The following PHF24 variants were observed in gnomAD, a reference collection of about 807,000 sequenced individuals.
PHF24 encodes the protein PHD finger protein 24.
Under a neutral mutation model 42.6 loss-of-function variants are expected in PHF24, and 25 were observed. The observed-to-expected ratio is 0.59, with a 90% CI of 0.43 to 0.82. PHF24 has a LOEUF of 0.82. Among genes scored for constraint, PHF24 ranks in the 40% least tolerant of loss-of-function variants. The pLI is 0.00. For synonymous variants in PHF24, 185 were observed against 204.8 expected, an observed-to-expected ratio of 0.90 and a Z score of 0.83; for missense variants, 470 against 538.1, an observed-to-expected ratio of 0.87 and a Z score of 1.25.
chr9:34,941,594 A>G, the PHF24 span, among the ~76,000 whole-genome samples: 1 of 152,220 alleles, frequency 6.6e-6, no homozygotes, highest in East Asian at 1.9e-4. Flanking sequence ...TGGGTACCTT[A>G]TAAACAACAG....
the PHF24 span, chr9:34,665,812 G>C: frequency 1.6e-6 from 1 of 623,710 alleles, no homozygotes; most frequent in Non-Finnish European, 2.9e-6. Context: ...TTGCCACCAC[G>C]GGACAGGGTG....
chr9:34,673,437 ATCT>A, the PHF24 span, among the ~76,000 whole-genome samples: 15 of 151,722 alleles, frequency 9.9e-5, no homozygotes, highest in East Asian at 1.7e-3. Context: ...GTTGCAGATA[ATCT>A]TCTCCTTAAT....
chr9:34,695,683 G>A, the PHF24 span, among the ~76,000 whole-genome samples: 1 of 152,160 alleles, frequency 6.6e-6, no homozygotes, highest in Non-Finnish European at 1.5e-5. Flanking sequence ...CCCATCTGGT[G>A]TCCACTGAGG....
At chr9:34,956,268 G>C (rs1184268261), upstream of PHF24, among the ~76,000 whole-genome samples, 1 of 151,934 alleles carries the variant, frequency 6.6e-6, no homozygotes, top group Non-Finnish European at 1.5e-5. Context: ...ATGTACTTTT[G>C]TGTGTGTGTG....
the PHF24 span, chr9:34,835,449 G>A: frequency 1.9e-6 from 3 of 1,551,894 alleles, no homozygotes; most frequent in Non-Finnish European, 2.6e-6. Flanking sequence ...CTGAGAAATG[G>A]CAGGTGGGCA....
At chr9:34,726,425 T>A in the PHF24 span, 7 of 1,550,848 alleles carry the variant, frequency 4.5e-6, no homozygotes, top group Non-Finnish European at 6.1e-6. Context: ...GGCCATTGGA[T>A]GCATCCGGTT....
chr9:34,835,879 A>T, the PHF24 span: 1 of 1,049,180 alleles, frequency 9.5e-7, no homozygotes, highest in Admixed American at 2.0e-5. Flanking sequence ...CAGAGACAAG[A>T]TCTCTAGGCA....
At chr9:34,882,594 G>A in the PHF24 span, among the ~76,000 whole-genome samples, 1 of 149,364 alleles carries the variant, frequency 6.7e-6, no homozygotes, top group East Asian at 1.9e-4. Flanking sequence ...GCCAAATCAT[G>A]AGTGAACTCC....
the PHF24 span, among the ~76,000 whole-genome samples, chr9:34,751,452 AAAG>A: frequency 6.6e-6 from 1 of 152,194 alleles, no homozygotes. Flanking sequence ...AAAAAGAGAC[AAAG>A]AAGGTCATTA....
At chr9:34,864,313 A>C in the PHF24 span, among the ~76,000 whole-genome samples, 1 of 152,198 alleles carries the variant, frequency 6.6e-6, no homozygotes, top group Non-Finnish European at 1.5e-5. Context: ...TAGAACACCA[A>C]GCACATTTAA....
the PHF24 span, among the ~76,000 whole-genome samples, chr9:34,772,768 A>G: frequency 1.3e-5 from 2 of 152,218 alleles, no homozygotes; most frequent in Non-Finnish European, 2.9e-5. Context: ...GGAGGCTAGC[A>G]TGATCCATGT....
At chr9:34,913,223 G>A in the PHF24 span, among the ~76,000 whole-genome samples, 38 of 152,234 alleles carry the variant, frequency 2.5e-4, no homozygotes, top group Admixed American at 2.6e-4. Flanking sequence ...TAAAATTCAC[G>A]TCAGTGGAAT....
chr9:34,970,960 G>A (rs563207491), intron 1 of PHF24, among the ~76,000 whole-genome samples: 88 of 152,092 alleles, frequency 5.8e-4, no homozygotes, highest in Non-Finnish European at 8.8e-4. Flanking sequence ...GTCAGAAATC[G>A]AACCAAAGTC....
At chr9:34,860,475 A>G in the PHF24 span, among the ~76,000 whole-genome samples, 32 of 152,304 alleles carry the variant, frequency 2.1e-4, no homozygotes, top group African/African-American at 7.5e-4. Context: ...TGCTGTTTGA[A>G]TCTATGTATA....
At chr9:34,881,848 C>G in the PHF24 span, among the ~76,000 whole-genome samples, 1 of 152,184 alleles carries the variant, frequency 6.6e-6, no homozygotes, top group African/African-American at 2.4e-5. Context: ...GGGAATCCTC[C>G]CTAATTCATT....
chr9:34,819,177 T>C, the PHF24 span, among the ~76,000 whole-genome samples: 1 of 152,106 alleles, frequency 6.6e-6, no homozygotes, highest in African/African-American at 2.4e-5. Context: ...GTGTCTTCTC[T>C]CTTTTTTACT....
chr9:34,779,798 T>C, the PHF24 span, among the ~76,000 whole-genome samples: 1 of 152,210 alleles, frequency 6.6e-6, no homozygotes, highest in Non-Finnish European at 1.5e-5. Flanking sequence ...CGATCTTGGC[T>C]CACTGCAACT....
At chr9:34,731,706 G>A in the PHF24 span, among the ~76,000 whole-genome samples, 4 of 152,102 alleles carry the variant, frequency 2.6e-5, no homozygotes, top group Admixed American at 6.5e-5. Context: ...ATCTGTTGAT[G>A]GACATTTAGT....
chr9:34,835,182 C>T, the PHF24 span: 7 of 1,551,176 alleles, frequency 4.5e-6, no homozygotes, highest in Non-Finnish European at 5.2e-6. Flanking sequence ...CATTCAGAAA[C>T]CCAGAAGGTC....
Sources: gnomAD v4.1 joint callset for allele counts (sites outside exome capture counted in the v4.1 genomes callset) on GRCh38, gnomAD v4.1.1 for gene constraint, MANE v1.5 for transcripts, NCBI Gene and HGNC (gene_info 2026-07-23, HGNC 2026-07-21) for gene names.